The following MACROD2 variants were observed in gnomAD, a reference collection of about 807,000 sequenced individuals.
The protein encoded by MACROD2 is mono-ADP ribosylhydrolase 2.
Under a neutral mutation model 70.4 loss-of-function variants are expected in MACROD2, and 36 were observed. The ratio of observed to expected loss-of-function variants is 0.51; its 90% CI spans 0.39 to 0.68. The LOEUF is 0.68. Among genes scored for constraint, MACROD2 ranks in the 30% least tolerant of loss-of-function variants. The probability of loss-of-function intolerance (pLI) is 0.00; values close to 1 mark genes in which losing one functional copy is unlikely to be tolerated. For missense variants in MACROD2, 496 were observed against 538.4 expected, an observed-to-expected ratio of 0.92 and a Z score of 0.78; for synonymous variants, 172 against 178.8, an observed-to-expected ratio of 0.96 and a Z score of 0.30.
chr20:15,997,847 AT>A (rs2066653811), intron 15 of MACROD2, among the ~76,000 whole-genome samples: 1 of 152,030 alleles, frequency 6.6e-6, no homozygotes, highest in Non-Finnish European at 1.5e-5. Flanking sequence ...GGCCTTTATT[AT>A]GTTGGAGTAC....
chr20:14,405,799 A>C (rs909166599), intron 3 of MACROD2, among the ~76,000 whole-genome samples: 3 of 152,094 alleles, frequency 2.0e-5, no homozygotes, highest in African/African-American at 7.2e-5. Flanking sequence ...TGGAGTGGAG[A>C]TCTAAGTATG....
rs150887113 is a variant in MACROD2 at position 14,469,024 on chromosome 20, G to A, written c.272-24455G>A. ...GTTGATGCAGTTTCTTCATAGTATC[G>A]ATGGTCTTTACAATTCGGTATGTTT... is the stretch of plus-strand genomic sequence containing the variant. On this transcript the variant is annotated intron_variant, in intron 3 of 17. Transcript: ENST00000684519. Among the ~76,000 whole-genome samples, 575 of 152,202 alleles carry A rather than the reference G, an allele frequency of 3.8e-3. 8 individuals carry two copies. The Middle Eastern group carries it at 0.058, about 15-fold the overall frequency.
Position 14,296,149 on chromosome 20 carries a change from A to G in MACROD2, c.272-197330A>G, listed in dbSNP as rs535352452. 2.6e-5 allele frequency among the ~76,000 whole-genome samples: 4 copies of G among 152,022 alleles called. No homozygotes were observed. In the South Asian group the frequency reaches 8.3e-4, roughly 32 times the overall value. On this transcript the variant is annotated intron_variant, in intron 3 of 17. Transcript: ENST00000684519. ...GCAGAACTATTTTGCAGCCATGCCCATAGACTATGAGTCAGTTTGAACAAA... is the reference window on the plus strand; with the variant it reads ...GCAGAACTATTTTGCAGCCATGCCCGTAGACTATGAGTCAGTTTGAACAAA...
intron 4 of MACROD2, among the ~76,000 whole-genome samples, chr20:14,520,504 T>C (rs1465822408): frequency 6.7e-6 from 1 of 149,360 alleles, no homozygotes; most frequent in African/African-American, 2.5e-5. Flanking sequence ...TTTTTTTTTT[T>C]CTGTTTCTAC....
intron 9 of MACROD2, among the ~76,000 whole-genome samples, chr20:15,880,158 A>C (rs1017673899): frequency 2.4e-4 from 36 of 152,072 alleles, no homozygotes; most frequent in Admixed American, 6.6e-4. Flanking sequence ...CAAATGTTTG[A>C]GCACTCTGGA....
intron 3 of MACROD2, among the ~76,000 whole-genome samples, chr20:14,237,979 A>G (rs1253742913): frequency 2.8e-4 from 43 of 151,924 alleles, no homozygotes; most frequent in Admixed American, 2.8e-3. Context: ...AGTCTTTGCT[A>G]TTGTGAATAG....
At chr20:14,785,168 C>A (rs1255212744) in intron 5 of MACROD2, among the ~76,000 whole-genome samples, 1 of 151,812 alleles carries the variant, frequency 6.6e-6, no homozygotes, top group African/African-American at 2.4e-5. Flanking sequence ...CTCATGAACA[C>A]ACACAAACAC....
intron 8 of MACROD2, among the ~76,000 whole-genome samples, chr20:15,532,754 A>T (rs988600635): frequency 1.8e-4 from 28 of 152,056 alleles, no homozygotes; most frequent in African/African-American, 6.3e-4. Context: ...TCTGAAAAAC[A>T]CTGACCTGGG....
At chr20:15,903,375 G>A (rs550201927) in intron 10 of MACROD2, among the ~76,000 whole-genome samples, 10 of 152,120 alleles carry the variant, frequency 6.6e-5, no homozygotes, top group Non-Finnish European at 1.3e-4. Context: ...TGATCGAGGC[G>A]TCTGACTTAC....
chr20:14,366,544 T>G (rs1228717270), intron 3 of MACROD2, among the ~76,000 whole-genome samples: 1 of 151,196 alleles, frequency 6.6e-6, no homozygotes, highest in Non-Finnish European at 1.5e-5. Flanking sequence ...TTTTTTTTAT[T>G]TTAGTAGAGA....
intron 4 of MACROD2, among the ~76,000 whole-genome samples, chr20:14,611,787 A>G (rs1180852059): frequency 6.6e-6 from 1 of 152,116 alleles, no homozygotes; most frequent in East Asian, 1.9e-4. Flanking sequence ...CTTTGAAACT[A>G]TAGTATTATG....
At chr20:14,985,116 G>C (rs1004069227) in intron 5 of MACROD2, among the ~76,000 whole-genome samples, 1 of 152,128 alleles carries the variant, frequency 6.6e-6, no homozygotes, top group Non-Finnish European at 1.5e-5. Flanking sequence ...TCCAGACCTA[G>C]GAGGGATTTC....
chr20:14,397,776 T>C (rs1427443778), intron 3 of MACROD2, among the ~76,000 whole-genome samples: 1 of 152,204 alleles, frequency 6.6e-6, no homozygotes, highest in African/African-American at 2.4e-5. Flanking sequence ...TTATAATATA[T>C]ACAATAAGTT....
chr20:15,013,595 T>C (rs1418315558), intron 5 of MACROD2, among the ~76,000 whole-genome samples: 2 of 152,070 alleles, frequency 1.3e-5, no homozygotes, highest in Non-Finnish European at 2.9e-5. Flanking sequence ...AGGCTTGACT[T>C]TTTTGCTGCA....
chr20:14,413,351 GATATTT>G (rs1408011083), intron 3 of MACROD2, among the ~76,000 whole-genome samples: 2 of 151,362 alleles, frequency 1.3e-5, no homozygotes, highest in Non-Finnish European at 2.9e-5. Context: ...CTGTAAAACT[GATATTT>G]ATAAGTTTAG....
chr20:15,231,974 A>G (rs191842740), intron 6 of MACROD2, among the ~76,000 whole-genome samples: 1 of 152,220 alleles, frequency 6.6e-6, no homozygotes, highest in Admixed American at 6.5e-5. Flanking sequence ...GAAATTGATC[A>G]TCATGTTTTG....
At chr20:15,253,198 C>T (rs192228010) in intron 6 of MACROD2, among the ~76,000 whole-genome samples, 5 of 152,166 alleles carry the variant, frequency 3.3e-5, no homozygotes, top group Non-Finnish European at 1.5e-5. Context: ...TGTTGGGCTT[C>T]GGTGTGGCTA....
At chr20:15,124,312 T>C (rs1210970485) in intron 5 of MACROD2, among the ~76,000 whole-genome samples, 1 of 151,494 alleles carries the variant, frequency 6.6e-6, no homozygotes, top group Admixed American at 6.6e-5. Flanking sequence ...ATTTAAAGAT[T>C]TTCTTTAAAC....
intron 8 of MACROD2, among the ~76,000 whole-genome samples, chr20:15,604,361 C>A (rs1465493350): frequency 6.6e-6 from 1 of 152,162 alleles, no homozygotes; most frequent in Non-Finnish European, 1.5e-5. Flanking sequence ...TTTTTATTTG[C>A]CTTTTTAATG....
Sources: gnomAD v4.1 joint callset for allele counts (sites outside exome capture counted in the v4.1 genomes callset) on GRCh38, gnomAD v4.1.1 for gene constraint, MANE v1.5 for transcripts, NCBI Gene and HGNC (gene_info 2026-07-23, HGNC 2026-07-21) for gene names.